Variants in MGRN1 observed in about 807,000 individuals in gnomAD.
The protein encoded by MGRN1 is E3 ubiquitin-protein ligase MGRN1.
In MGRN1, 29 loss-of-function variants were observed where a neutral mutation model predicts 69.2. The ratio of observed to expected loss-of-function variants is 0.42; its 90% CI spans 0.31 to 0.57. MGRN1 has a LOEUF of 0.57. MGRN1 is among the 20% of genes least tolerant of loss of function. MGRN1 has a pLI of 0.15. For missense variants in MGRN1, 998 were observed against 796.2 expected (o/e 1.25, Z -3.05); for synonymous variants, 470 against 344.2 (o/e 1.37, Z -4.04).
chr16:4,660,538 G>T (rs186335371), intron 5 of MGRN1, among the ~76,000 whole-genome samples: 1 of 152,216 alleles, frequency 6.6e-6, no homozygotes, highest in Non-Finnish European at 1.5e-5. Flanking sequence ...AGCGGCCCAC[G>T]CCAGTGCTGA....
chr16:4,665,079 C>T (rs753311267), intron 6 of MGRN1, 23 bp from the exon 7 acceptor site: 22 of 1,614,000 alleles, frequency 1.4e-5, no homozygotes, highest in Non-Finnish European at 1.8e-5. Flanking sequence ...ACTCTGACTA[C>T]TCTGCCCCTC....
chr16:4,672,222 T>C (rs1235083047), intron 9 of MGRN1, among the ~76,000 whole-genome samples: 1 of 151,924 alleles, frequency 6.6e-6, no homozygotes, highest in Admixed American at 6.6e-5. Flanking sequence ...AATTTTTGTA[T>C]TTTTAGTAGA....
intron 4 of MGRN1, among the ~76,000 whole-genome samples, chr16:4,655,649 C>T (rs1268105720): frequency 6.6e-6 from 1 of 152,122 alleles, no homozygotes; most frequent in Non-Finnish European, 1.5e-5. Flanking sequence ...AGCTCCAGTG[C>T]CACTGTCCCC....
At chr16:4,643,078 C>G (rs1410755624) in intron 1 of MGRN1, among the ~76,000 whole-genome samples, 1 of 152,088 alleles carries the variant, frequency 6.6e-6, no homozygotes, top group Non-Finnish European at 1.5e-5. Flanking sequence ...GCCTCAGCCT[C>G]CTAAGTAGCT....
Position 4,673,757 on chromosome 16 carries a change from C to T in MGRN1, c.955+100C>T, listed in dbSNP as rs1247892044. The T allele has an allele frequency of 2.8e-6, 4 of 1,409,556 alleles. No individual in the cohort carries two copies. In the African/African-American group the frequency reaches 4.3e-5, roughly 15 times the overall value. The allele number at this position is 1,409,556 out of a possible 1,614,324, so 87.3% of individuals were successfully genotyped here. A position where few individuals can be genotyped will look rare whatever the true frequency, so the allele number is the denominator to read the frequency against. On this transcript the variant is annotated intron_variant, in intron 10 of 16. Coordinates refer to ENST00000262370, the MANE Select transcript of MGRN1 (RefSeq NM_015246.4). ...TAGGGGGCCACAGGTCCGTTGATGGCTAAGAAAGAAGAGTTGTCATTCATC... is the reference window on the plus strand; with the variant it reads ...TAGGGGGCCACAGGTCCGTTGATGGTTAAGAAAGAAGAGTTGTCATTCATC...
At chr16:4,642,540 G>A (rs553899083) in intron 1 of MGRN1, among the ~76,000 whole-genome samples, 1 of 151,480 alleles carries the variant, frequency 6.6e-6, no homozygotes, top group African/African-American at 2.4e-5. Flanking sequence ...TTGCCAGACT[G>A]GTCTTAAACT....
intron 12 of MGRN1, 189 bp from the exon 13 acceptor site, chr16:4,681,361 G>C: frequency 1.7e-6 from 1 of 594,296 alleles, no homozygotes; most frequent in Non-Finnish European, 2.9e-6. Flanking sequence ...TGGGCATCCA[G>C]CCCCGTGCTG....
chr16:4,626,714 A>T (rs970466150), intron 1 of MGRN1, among the ~76,000 whole-genome samples: 1 of 152,154 alleles, frequency 6.6e-6, no homozygotes, highest in Non-Finnish European at 1.5e-5. Context: ...AATAACATAC[A>T]TGTCATTTAC....
In MGRN1 at chr16:4,683,368, C is replaced by G. The variant is rs1162324561; in HGVS notation, c.1528+99C>G. 2.1e-6 allele frequency: 3 copies of G among 1,411,828 alleles called. No individual in the cohort carries two copies. The Admixed American group carries it at 5.7e-5, about 27-fold the overall frequency. 87.5% of individuals were successfully genotyped at this position (1,411,828 alleles called of 1,614,324 possible). A position where few individuals can be genotyped will look rare whatever the true frequency, so the allele number is the denominator to read the frequency against. On this transcript the variant is annotated intron_variant, in intron 15 of 16. Transcript: ENST00000262370. ...TCCAGGTGGTGTTGGGCCAGCACCT[C>G]TTCTGCCCCAGGAACCCTCGGCCAA...
chr16:4,625,411 T>G (rs1897623434), intron 1 of MGRN1, among the ~76,000 whole-genome samples: 1 of 152,192 alleles, frequency 6.6e-6, no homozygotes, highest in Admixed American at 6.5e-5. Context: ...TAGAAAACTC[T>G]CATTGTCATC....
At chr16:4,631,556 C>G (rs1898001627) in intron 1 of MGRN1, among the ~76,000 whole-genome samples, 1 of 152,188 alleles carries the variant, frequency 6.6e-6, no homozygotes, top group South Asian at 2.1e-4. Flanking sequence ...ATAAATCGGC[C>G]CAGAATATCC....
In MGRN1 at chr16:4,677,504, C is replaced by T. The variant is rs2079079378; in HGVS notation, c.997C>T (p.Pro333Ser). Residue 333 changes from proline (P) to serine (S), a missense_variant, in exon 11 of 17, where the codon CCA becomes TCA. Transcript: ENST00000262370. Reference protein sequence around the residue: ...LLQIRAVRKKPGALSPVSFSP... With the variant: ...LLQIRAVRKKSGALSPVSFSP... ...GCAGATCCGGGCGGTGCGGAAGAAG[C>T]CAGGAGCCCTGTCCCCCGTGTCCTT... 5 of 1,593,648 alleles carry T rather than the reference C, an allele frequency of 3.1e-6. No individual in the cohort carries two copies. Among genetic ancestry groups the T allele is most frequent in the Non-Finnish European group, 4.3e-6 (5 of 1,175,900 alleles).
At chr16:4,679,938 G>A in intron 11 of MGRN1, 94 bp from the exon 12 acceptor site, 6 of 1,176,026 alleles carry the variant, frequency 5.1e-6, no homozygotes, top group Admixed American at 2.0e-5. Flanking sequence ...CTGCGCCACG[G>A]TGTGGCAAGA....
chr16:4,681,830 G>T (rs1421909484), intron 13 of MGRN1, 54 bp downstream of exon 13: 3 of 1,526,608 alleles, frequency 2.0e-6, no homozygotes. Context: ...CGCGCGTGCG[G>T]AGCGGGTGTC....
At chr16:4,631,269 C>A (rs545656202) in intron 1 of MGRN1, among the ~76,000 whole-genome samples, 1 of 152,274 alleles carries the variant, frequency 6.6e-6, no homozygotes, top group South Asian at 2.1e-4. Flanking sequence ...AATTAGTTGA[C>A]CTAAGCCAGG....
In MGRN1 at chr16:4,682,809, T is replaced by C; in HGVS notation, c.1359-14T>C. The C allele has an allele frequency of 6.5e-7, 1 of 1,536,374 alleles. No individual in the cohort carries two copies. On this transcript the variant is annotated splice_polypyrimidine_tract_variant and intron_variant, in intron 13 of 16. Transcript: ENST00000262370. The stretch of plus-strand genomic sequence containing the variant: ...TATCCTCTCACCCCTGCCCACCCTC[T>C]CCTCTGTCCCCAGCACCCTACGGTC...
Position 4,677,455 on chromosome 16 carries a change from T to A in MGRN1, c.956-8T>A. 6.5e-7 allele frequency: 1 copy of A among 1,543,350 alleles called. No homozygotes were observed. Among genetic ancestry groups the A allele is most frequent in the Non-Finnish European group, 8.7e-7 (1 of 1,147,544 alleles). ...CTGGGCCTGATCTGAGCCCTCCTTCTGCCGCAGCTTTCCGGGCCCTCCTGC... is the reference window on the plus strand; with the variant it reads ...CTGGGCCTGATCTGAGCCCTCCTTCAGCCGCAGCTTTCCGGGCCCTCCTGC... On this transcript the variant is annotated splice_region_variant and splice_polypyrimidine_tract_variant and intron_variant, in intron 10 of 16. Coordinates refer to ENST00000262370, the MANE Select transcript of MGRN1 (RefSeq NM_015246.4).
At chr16:4,664,490 A>G in intron 5 of MGRN1, 1 of 593,522 alleles carries the variant, frequency 1.7e-6, no homozygotes, top group Non-Finnish European at 3.0e-6. Flanking sequence ...GTTGAAACGT[A>G]GTTAAAATGG....
intron 8 of MGRN1, among the ~76,000 whole-genome samples, chr16:4,670,636 C>T (rs762569930): frequency 6.6e-6 from 1 of 152,232 alleles, no homozygotes; most frequent in Non-Finnish European, 1.5e-5. Context: ...AGGAGGATTG[C>T]TTGAGCCTGG....
Sources: gnomAD v4.1 joint callset for allele counts (sites outside exome capture counted in the v4.1 genomes callset) on GRCh38, gnomAD v4.1.1 for gene constraint, MANE v1.5 for transcripts, NCBI Gene and HGNC (gene_info 2026-07-23, HGNC 2026-07-21) for gene names.